Variants in KCTD10 observed in about 807,000 individuals in gnomAD.
The protein encoded by KCTD10 is potassium channel tetramerization domain containing 10, also known as BTB/POZ domain-containing adapter for CUL3-mediated RhoA degradation protein 3.
KCTD10 carries 13 observed loss-of-function variants against 34.6 expected under a neutral mutation model. The observed-to-expected ratio is 0.38, with a 90% CI of 0.24 to 0.60. KCTD10 has a LOEUF of 0.60. Ranked by LOEUF, KCTD10 falls within the 20% of genes least tolerant of loss-of-function variation. The probability of loss-of-function intolerance (pLI) is 0.66; values close to 1 mark genes in which losing one functional copy is unlikely to be tolerated. For synonymous variants in KCTD10, 156 were observed against 168.8 expected, an observed-to-expected ratio of 0.92 and a Z score of 0.59; for missense variants, 256 against 420.3, an observed-to-expected ratio of 0.61 and a Z score of 3.42.
chr12:109,455,804 G>A (rs949254504), intron 6 of KCTD10, among the ~76,000 whole-genome samples: 2 of 152,188 alleles, frequency 1.3e-5, no homozygotes, highest in Non-Finnish European at 2.9e-5. Context: ...CATGGTGGGA[G>A]AAGTCAAAGG....
chr12:109,474,599 C>T (rs1357227980), intron 1 of KCTD10, among the ~76,000 whole-genome samples: 4 of 152,136 alleles, frequency 2.6e-5, no homozygotes, highest in Non-Finnish European at 4.4e-5. Context: ...GATTAGAGCC[C>T]ACTATTCTAA....
At position 109,450,360 on chromosome 12, in the gene KCTD10, A is replaced by G. The variant is rs1479494496; in HGVS notation, c.*1235T>C. The G allele has an allele frequency of 2.5e-6, 1 of 395,628 alleles. No individual in the cohort carries two copies. 24.5% of individuals were successfully genotyped at this position (395,628 alleles called of 1,614,324 possible). ...CAGCCGGGCTCCAGCAGGGGCCGCCACCTGTGCCCCACAAGCACACGTCCC... is the reference window on the plus strand; with the variant it reads ...CAGCCGGGCTCCAGCAGGGGCCGCCGCCTGTGCCCCACAAGCACACGTCCC... On this transcript the variant is annotated 3_prime_UTR_variant, in exon 7 of 7. Transcript: ENST00000228495.
At chr12:109,477,237 T>C (rs201722927) in intron 1 of KCTD10, 23 bp downstream of exon 1, 1 of 1,613,508 alleles carries the variant, frequency 6.2e-7, no homozygotes, top group Non-Finnish European at 8.5e-7. Context: ...CAACCCCTAG[T>C]CCATGGGCAC....
Position 109,460,726 on chromosome 12 carries a change from G to A in KCTD10, c.297C>T (p.Pro99=), listed in dbSNP as rs770635100. Reference sequence around the variant, plus strand: ...GCTCCTCGATCTCCCGGCGGCTCTCGGGTAAAGGCACCGCCCCGTCTCGAA... The same window carrying A: ...GCTCCTCGATCTCCCGGCGGCTCTCAGGTAAAGGCACCGCCCCGTCTCGAA... ...NYLRDGAVPL[P]ESRREIEELL... The change falls in exon 3 of 7, where the codon CCC becomes CCT. Residue 99 remains proline (P), a synonymous_variant. Coordinates refer to ENST00000228495, the MANE Select transcript of KCTD10 (RefSeq NM_031954.5). This position sits in a 1 kb window ranked among gnomAD's most constrained non-coding sequence, Gnocchi z 4.5. The A allele has an allele frequency of 1.9e-5, 30 of 1,614,018 alleles. No individual in the cohort carries two copies. Among genetic ancestry groups the A allele is most frequent in the South Asian group, 1.3e-4 (12 of 91,086 alleles).
At chr12:109,468,536 T>C (rs74672598) in intron 2 of KCTD10, among the ~76,000 whole-genome samples, 2,528 of 152,280 alleles carry the variant, frequency 0.017, 75 homozygotes, top group African/African-American at 0.057. Context: ...TTAAACCTCA[T>C]GTGACCTGCA....
At position 109,460,497 on chromosome 12, in the gene KCTD10, G is replaced by A. The variant is rs906015548; in HGVS notation, c.387+139C>T. On this transcript the variant is annotated intron_variant, in intron 3 of 6. Coordinates refer to ENST00000228495, the MANE Select transcript of KCTD10 (RefSeq NM_031954.5). The surrounding 1 kb of genome is among the most constrained non-coding windows in gnomAD (Gnocchi z 4.5). ...AGGGGTCACTCCAACCGAAGGAATCGGGCTCCAGGGCAAACTCATTAACTC... is the reference window on the plus strand; with the variant it reads ...AGGGGTCACTCCAACCGAAGGAATCAGGCTCCAGGGCAAACTCATTAACTC... 74 of 898,030 alleles carry A rather than the reference G, an allele frequency of 8.2e-5. No individual in the cohort carries two copies. The highest frequency in any genetic ancestry group is 1.1e-4 in the Non-Finnish European group (63 of 595,350). The allele number at this position is 898,030 out of a possible 1,614,324, so 55.6% of individuals were successfully genotyped here.
rs927792523 is a variant in KCTD10, at chr12:109,471,502, G to A, written c.4-1774C>T. Reference sequence around the variant, plus strand: ...TCAAAAGCTCAGGCTTAGCTCACCTGGGGTCTTTGCTGCCCGATGCCAAAC... The same window carrying A: ...TCAAAAGCTCAGGCTTAGCTCACCTAGGGTCTTTGCTGCCCGATGCCAAAC... On this transcript the variant is annotated intron_variant, in intron 1 of 6. Coordinates refer to ENST00000228495, the MANE Select transcript of KCTD10 (RefSeq NM_031954.5). The A allele has an allele frequency of 7.3e-6, 6 of 817,222 alleles. No individual in the cohort carries two copies. The African/African-American group carries it at 7.4e-5, about 10-fold the overall frequency. The allele number at this position is 817,222 out of a possible 1,614,324, so 50.6% of individuals were successfully genotyped here. A position where few individuals can be genotyped will look rare whatever the true frequency, so the allele number is the denominator to read the frequency against.
chr12:109,469,347 T>C, intron 2 of KCTD10, 168 bp downstream of exon 2: 1 of 739,214 alleles, frequency 1.4e-6, no homozygotes, highest in Non-Finnish European at 2.2e-6. Context: ...GGAAGTGACT[T>C]TCTCAAAGTA....
At chr12:109,475,922 A>G (rs1171129175) in intron 1 of KCTD10, among the ~76,000 whole-genome samples, 1 of 152,248 alleles carries the variant, frequency 6.6e-6, no homozygotes, top group Non-Finnish European at 1.5e-5. Flanking sequence ...TGTGTTTAAT[A>G]CACAAACTCT....
intron 6 of KCTD10, among the ~76,000 whole-genome samples, chr12:109,453,613 C>T (rs1872882217): frequency 6.6e-6 from 1 of 152,188 alleles, no homozygotes; most frequent in African/African-American, 2.4e-5. Context: ...GTGGTCTCAG[C>T]AGGATTGGGA....
At position 109,457,688 on chromosome 12, in the gene KCTD10, G is replaced by A; in HGVS notation, c.475-6C>T. ...TAGAGCAACTTCACGGCTGGCTGTG[G>A]GTTGTTTTAAAAGAAGAAGAAGAGA... On this transcript the variant is annotated splice_polypyrimidine_tract_variant and splice_region_variant and intron_variant, in intron 4 of 6. Coordinates refer to ENST00000228495, the MANE Select transcript of KCTD10 (RefSeq NM_031954.5). 6.2e-7 allele frequency: 1 copy of A among 1,614,118 alleles called. No homozygotes were observed.
At position 109,465,281 on chromosome 12, in the gene KCTD10, C is replaced by G. The variant is rs773613681; in HGVS notation, c.217+4234G>C. On this transcript the variant is annotated intron_variant, in intron 2 of 6. Transcript: ENST00000228495. ...GCTATTTAGTTGTGGATTGATCTCACAAGCATAATGCTACGTAAGCAAAAG... is the reference window on the plus strand; with the variant it reads ...GCTATTTAGTTGTGGATTGATCTCAGAAGCATAATGCTACGTAAGCAAAAG... Among the ~76,000 whole-genome samples, 4 of 152,174 alleles carry G rather than the reference C, an allele frequency of 2.6e-5. No homozygotes were observed. In the South Asian group the frequency reaches 8.3e-4, roughly 32 times the overall value.
chr12:109,460,045 A>G lies in KCTD10; in HGVS notation c.387+591T>C, dbSNP rs1314956731. On this transcript the variant is annotated intron_variant, in intron 3 of 6. Coordinates refer to ENST00000228495, the MANE Select transcript of KCTD10 (RefSeq NM_031954.5). The surrounding 1 kb of genome is among the most constrained non-coding windows in gnomAD (Gnocchi z 4.5). ...ACTGGTCCGGTGCGGGGCCAGACAC[A>G]GACATGTGGTGTGGGGGAGGCCCAA... 6.6e-6 allele frequency among the ~76,000 whole-genome samples: 1 copy of G among 152,268 alleles called. No individual in the cohort carries two copies. The highest frequency in any genetic ancestry group is 2.4e-5 in the African/African-American group (1 of 41,476).
At chr12:109,456,413 C>T (rs936559676) in intron 5 of KCTD10, 100 bp from the exon 6 acceptor site, 1 of 952,694 alleles carries the variant, frequency 1.0e-6, no homozygotes, top group Non-Finnish European at 1.7e-6. Flanking sequence ...CCACTTTCTC[C>T]ACTACCTCAT....
chr12:109,475,322 A>G (rs1440954412), intron 1 of KCTD10, among the ~76,000 whole-genome samples: 1 of 152,118 alleles, frequency 6.6e-6, no homozygotes, highest in Non-Finnish European at 1.5e-5. Flanking sequence ...AAATTAAAAA[A>G]AAAAATTAAC....
chr12:109,462,662 G>C (rs1873393350), intron 2 of KCTD10, among the ~76,000 whole-genome samples: 1 of 152,240 alleles, frequency 6.6e-6, no homozygotes, highest in Non-Finnish European at 1.5e-5. Flanking sequence ...GCCCCCAAGA[G>C]AGGCAGGCTC....
At chr12:109,464,843 C>A in intron 2 of KCTD10, 1 of 456,056 alleles carries the variant, frequency 2.2e-6, no homozygotes, top group Non-Finnish European at 4.4e-6. Context: ...CAGACTTCTG[C>A]AGGGAGTAGA....
chr12:109,477,211 C>T, intron 1 of KCTD10, 49 bp downstream of exon 1: 2 of 1,611,438 alleles, frequency 1.2e-6, no homozygotes, highest in Non-Finnish European at 1.7e-6. Context: ...TGCTGCCCAG[C>T]TCCCTCGGCC....
chr12:109,463,816 C>T (rs34737994), intron 2 of KCTD10, among the ~76,000 whole-genome samples: 25,800 of 152,190 alleles, frequency 0.17, 2,247 homozygotes, highest in African/African-American at 0.18. Flanking sequence ...GATGAAAGAA[C>T]GTACAGAAGG....
Sources: gnomAD v4.1 joint callset for allele counts (sites outside exome capture counted in the v4.1 genomes callset) on GRCh38, gnomAD v4.1.1 for gene constraint, Gnocchi (gnomAD v3.1) non-coding constraint, MANE v1.5 for transcripts, NCBI Gene and HGNC (gene_info 2026-07-23, HGNC 2026-07-21) for gene names.